Variants in SVIL observed in about 807,000 individuals in gnomAD.
SVIL encodes supervillin, also known as archvillin.
A neutral mutation model predicts 240.4 loss-of-function variants in SVIL; 101 were observed. The observed-to-expected ratio is 0.42, with a 90% CI of 0.36 to 0.50. SVIL has a LOEUF of 0.50. Ranked by LOEUF, SVIL falls within the 20% of genes least tolerant of loss-of-function variation. SVIL has a pLI of 0.01. For synonymous variants in SVIL, 999 were observed against 1,100.0 expected (o/e 0.91, Z 1.82); for missense variants, 2,512 against 2,818.7 (o/e 0.89, Z 2.46).
chr10:29,543,521 T>C (rs1199940680), intron 6 of SVIL, among the ~76,000 whole-genome samples: 1 of 152,116 alleles, frequency 6.6e-6, no homozygotes, highest in African/African-American at 2.4e-5. Context: ...GTTTCCACAA[T>C]CTTGAACTTG....
intron 1 of SVIL, among the ~76,000 whole-genome samples, chr10:29,569,804 T>C (rs1232598262): frequency 6.6e-6 from 1 of 152,214 alleles, no homozygotes; most frequent in Admixed American, 6.5e-5. Context: ...CTCATTAAAA[T>C]CTACACAATA....
intron 21 of SVIL, among the ~76,000 whole-genome samples, chr10:29,492,636 G>A (rs1303024255): frequency 1.3e-5 from 2 of 152,028 alleles, no homozygotes; most frequent in Admixed American, 6.6e-5. Flanking sequence ...TGAAATTGAC[G>A]GACTCCTAAT....
intron 32 of SVIL, among the ~76,000 whole-genome samples, chr10:29,468,091 G>C (rs948775361): frequency 3.9e-5 from 6 of 152,178 alleles, no homozygotes; most frequent in African/African-American, 1.4e-4. Flanking sequence ...TCTCCCGGAA[G>C]AAGAAGCCCT....
chr10:29,568,986 G>T (rs544960434), intron 2 of SVIL, among the ~76,000 whole-genome samples: 2 of 152,334 alleles, frequency 1.3e-5, no homozygotes, highest in Admixed American at 6.5e-5. Flanking sequence ...GACAGTGCCT[G>T]CTTAGAGGCA....
At chr10:29,486,040 T>C in intron 26 of SVIL, 45 bp downstream of exon 26, 1 of 1,611,230 alleles carries the variant, frequency 6.2e-7, no homozygotes, top group Non-Finnish European at 8.5e-7. Flanking sequence ...TGCTGAGTGC[T>C]TTCAATGTGG....
intron 3 of SVIL, among the ~76,000 whole-genome samples, chr10:29,654,255 T>A (rs544671846): frequency 4.0e-4 from 61 of 152,260 alleles, no homozygotes; most frequent in African/African-American, 1.3e-3. Context: ...GTTTTACACT[T>A]CTTTTGTTAA....
At chr10:29,509,981 C>T (rs928949379) in intron 17 of SVIL, among the ~76,000 whole-genome samples, 3 of 152,208 alleles carry the variant, frequency 2.0e-5, no homozygotes, top group Admixed American at 2.0e-4. Flanking sequence ...CTGCTCATTG[C>T]AGCCTCAACT....
chr10:29,458,379 G>C (rs549909221), intron 37 of SVIL, 46 bp from the exon 38 acceptor site: 6 of 1,607,898 alleles, frequency 3.7e-6, no homozygotes, highest in Non-Finnish European at 5.1e-6. Context: ...GAAAGGAGCC[G>C]GGCGTGCGTG....
intron 1 of SVIL, among the ~76,000 whole-genome samples, chr10:29,628,847 G>A (rs1014140063): frequency 1.3e-5 from 2 of 152,300 alleles, no homozygotes; most frequent in African/African-American, 4.8e-5. Flanking sequence ...AGCAAGCAAA[G>A]AGACAGAAAA....
At chr10:29,661,739 T>C (rs559465858) in intron 2 of SVIL, among the ~76,000 whole-genome samples, 8 of 152,384 alleles carry the variant, frequency 5.2e-5, no homozygotes, top group African/African-American at 1.7e-4. Flanking sequence ...CTTTGACAGA[T>C]GGTGCCCATG....
chr10:29,550,740 C>A lies in SVIL; in HGVS notation c.684G>T (p.Ser228=), dbSNP rs756689008. 1 of 1,614,084 alleles carries A rather than the reference C, an allele frequency of 6.2e-7. No homozygotes were observed. The highest frequency in any genetic ancestry group is 1.7e-5 in the Admixed American group (1 of 60,014). ...HDLSPAAESS[S]TFSFSGRDSS... ...AGTCTCGCCCAGAGAAAGAGAAGGT[C>A]GAGGAACTCTCGGCTGCTGGGGACA... is the stretch of plus-strand genomic sequence containing the variant. The change falls in exon 6 of 38, where the codon TCG becomes TCT. Residue 228 remains serine (S), a synonymous_variant. Coordinates refer to ENST00000355867, the MANE Select transcript of SVIL (RefSeq NM_021738.3).
At chr10:29,565,377 G>GTGCA (rs1357030212) in intron 2 of SVIL, among the ~76,000 whole-genome samples, 1 of 152,206 alleles carries the variant, frequency 6.6e-6, no homozygotes, top group Non-Finnish European at 1.5e-5. Context: ...CCCATGTGAA[G>GTGCA]TGCAGCCTTT....
At chr10:29,541,862 G>A (rs1048679717) in intron 6 of SVIL, among the ~76,000 whole-genome samples, 5 of 152,106 alleles carry the variant, frequency 3.3e-5, no homozygotes, top group Admixed American at 2.0e-4. Context: ...CACTTATCAC[G>A]ATTCCCATTT....
chr10:29,649,550 A>G (rs1958773510), intron 3 of SVIL, among the ~76,000 whole-genome samples: 1 of 152,298 alleles, frequency 6.6e-6, no homozygotes, highest in South Asian at 2.1e-4. Flanking sequence ...TTTTAAAAAT[A>G]TTGTGTTATG....
intron 1 of SVIL, among the ~76,000 whole-genome samples, chr10:29,697,020 G>C (rs1451802777): frequency 7.2e-6 from 1 of 139,106 alleles, no homozygotes; most frequent in African/African-American, 2.7e-5. Context: ...GAGGTGGGGG[G>C]CTCAGCCCCC....
chr10:29,459,031 C>T (rs1943909674), intron 36 of SVIL, among the ~76,000 whole-genome samples: 1 of 142,002 alleles, frequency 7.0e-6, no homozygotes, highest in Admixed American at 7.6e-5. Flanking sequence ...TCTTGCTATA[C>T]TGCTTAGGCT....
chr10:29,460,402 T>C (rs1944107822), intron 36 of SVIL, among the ~76,000 whole-genome samples: 1 of 152,086 alleles, frequency 6.6e-6, no homozygotes, highest in Admixed American at 6.5e-5. Context: ...CAACAGTAAA[T>C]GGCCCCGCTG....
In SVIL at chr10:29,664,775, C is replaced by T. The variant is rs138065434; in HGVS notation, c.-300-6707G>A. ...TGATAAAGCATATAATGAGCTAAGT[C>T]GTAAAACAGAAAAACAGAATGCAAC... On this transcript the variant is annotated intron_variant, in intron 2 of 35. Coordinates refer to the SVIL transcript ENST00000375400. Among the ~76,000 whole-genome samples, 517 of 151,868 alleles carry T rather than the reference C, an allele frequency of 3.4e-3. 2 individuals are homozygous for T. Among genetic ancestry groups the T allele is most frequent in the African/African-American group, 0.011 (467 of 41,424 alleles).
chr10:29,705,551 T>C (rs1398142650), intron 1 of SVIL, among the ~76,000 whole-genome samples: 1 of 152,122 alleles, frequency 6.6e-6, no homozygotes, highest in Non-Finnish European at 1.5e-5. Flanking sequence ...ACGTGTGCCA[T>C]GGTGGTTTGC....
Sources: gnomAD v4.1 joint callset for allele counts (sites outside exome capture counted in the v4.1 genomes callset) on GRCh38, gnomAD v4.1.1 for gene constraint, MANE v1.5 for transcripts, NCBI Gene and HGNC (gene_info 2026-07-23, HGNC 2026-07-21) for gene names.